Variants in CFAP206 observed in about 807,000 individuals in gnomAD.
The protein encoded by CFAP206 is cilia and flagella associated protein 206.
CFAP206 carries 53 observed loss-of-function variants against 65.4 expected under a neutral mutation model. The ratio of observed to expected loss-of-function variants is 0.81; its 90% confidence interval spans 0.65 to 1.02. The LOEUF (loss-of-function observed/expected upper bound fraction) is 1.02. Ranked by LOEUF, CFAP206 falls within the 50% of genes least tolerant of loss-of-function variation. The pLI is 0.00. For missense variants in CFAP206, 663 were observed against 753.2 expected (o/e 0.88, Z 1.40); for synonymous variants, 250 against 254.4 (o/e 0.98, Z 0.17).
intron 11 of CFAP206, among the ~76,000 whole-genome samples, chr6:87,450,491 G>A (rs1292398793): frequency 6.7e-6 from 1 of 149,822 alleles, no homozygotes; most frequent in Non-Finnish European, 1.5e-5. Context: ...GTGTGTGTGT[G>A]TGTGTGTGTG....
At chr6:87,430,559 A>C (rs1417527680) in intron 9 of CFAP206, among the ~76,000 whole-genome samples, 1 of 152,204 alleles carries the variant, frequency 6.6e-6, no homozygotes, top group Non-Finnish European at 1.5e-5. Context: ...CATATTAAAC[A>C]TATTTTGCCA....
At chr6:87,410,966 T>A (rs1383653225) in intron 3 of CFAP206, among the ~76,000 whole-genome samples, 13 of 152,188 alleles carry the variant, frequency 8.5e-5, no homozygotes, top group Admixed American at 7.2e-4. Context: ...ATTGGGTCTA[T>A]CACCTTCTAT....
At chr6:87,458,511 C>A (rs900438618) in intron 11 of CFAP206, among the ~76,000 whole-genome samples, 2 of 137,726 alleles carry the variant, frequency 1.5e-5, no homozygotes, top group Non-Finnish European at 3.2e-5. Flanking sequence ...CTGTCATTTG[C>A]AAAAACGGAT....
chr6:87,446,705 A>T (rs1396348131), intron 11 of CFAP206, among the ~76,000 whole-genome samples: 1 of 152,102 alleles, frequency 6.6e-6, no homozygotes, highest in Non-Finnish European at 1.5e-5. Context: ...TATGAATTTT[A>T]AAGTAGTTTT....
chr6:87,428,891 G>C, intron 9 of CFAP206, 67 bp downstream of exon 9: 1 of 1,415,102 alleles, frequency 7.1e-7, no homozygotes, highest in Admixed American at 1.8e-5. Context: ...TCACTCTTTT[G>C]TTCTAAAAAT....
intron 11 of CFAP206, among the ~76,000 whole-genome samples, chr6:87,448,467 A>G (rs2127955652): frequency 6.6e-6 from 1 of 152,322 alleles, no homozygotes; most frequent in South Asian, 2.1e-4. Flanking sequence ...GGTAATTGGC[A>G]TATCCATCAC....
chr6:87,419,973 A>T (rs1767910836), intron 7 of CFAP206, among the ~76,000 whole-genome samples: 1 of 152,208 alleles, frequency 6.6e-6, no homozygotes, highest in Non-Finnish European at 1.5e-5. Context: ...GCTACTTGGG[A>T]GGCTAAGGTA....
At chr6:87,435,787 G>A (rs899114819) in intron 11 of CFAP206, 2 of 152,222 alleles carry the variant, frequency 1.3e-5, no homozygotes, top group Admixed American at 6.5e-5. Flanking sequence ...AGTCTCCCAA[G>A]TAGCTGGGAC....
intron 11 of CFAP206, among the ~76,000 whole-genome samples, chr6:87,438,460 CAA>C (rs757336468): frequency 2.3e-4 from 25 of 110,970 alleles, no homozygotes; most frequent in African/African-American, 2.8e-4. Context: ...ACTCTTGTCT[CAA>C]AAAAAAAAAA....
intron 7 of CFAP206, among the ~76,000 whole-genome samples, chr6:87,425,539 G>A (rs1261997378): frequency 6.6e-6 from 1 of 152,082 alleles, no homozygotes; most frequent in African/African-American, 2.4e-5. Flanking sequence ...TGGTTTACAA[G>A]GTACTTTAAC....
At chr6:87,444,350 C>G (rs1057171740) in intron 11 of CFAP206, 10 of 218,174 alleles carry the variant, frequency 4.6e-5, no homozygotes, top group Non-Finnish European at 9.7e-5. Flanking sequence ...TTAGGTGGTC[C>G]AGGTTGCGTT....
At chr6:87,453,384 A>T (rs552766317) in intron 11 of CFAP206, among the ~76,000 whole-genome samples, 4 of 152,348 alleles carry the variant, frequency 2.6e-5, no homozygotes, top group South Asian at 4.1e-4. Flanking sequence ...ATAACAAATC[A>T]TCTGAAGGCA....
In CFAP206 at chr6:87,434,471, A is replaced by T. The variant is rs374522858; in HGVS notation, c.1301-389A>T. On this transcript the variant is annotated intron_variant, in intron 10 of 12. Coordinates refer to ENST00000369562, the MANE Select transcript of CFAP206 (RefSeq NM_001031743.3). ...GGAATGGCTCTATGGTATGTTACAA[A>T]CACAGAGTAACAATATTTCTTTTTC... Among the ~76,000 whole-genome samples the T allele has an allele frequency of 4.0e-5, 6 of 150,512 alleles. No homozygotes were observed. The East Asian group carries it at 9.8e-4, about 24-fold the overall frequency.
chr6:87,457,377 G>C (rs1562011323), intron 11 of CFAP206, among the ~76,000 whole-genome samples: 4 of 151,942 alleles, frequency 2.6e-5, no homozygotes, highest in Admixed American at 1.3e-4. Flanking sequence ...TAAGCAAAAA[G>C]AACAAAACTG....
intron 11 of CFAP206, chr6:87,444,280 A>T (rs944971984): frequency 1.5e-5 from 3 of 205,850 alleles, no homozygotes; most frequent in African/African-American, 2.3e-5. Context: ...TTCTCAAAGC[A>T]CCCCAGTTCT....
At chr6:87,449,060 A>G (rs1768495667) in intron 11 of CFAP206, among the ~76,000 whole-genome samples, 1 of 152,020 alleles carries the variant, frequency 6.6e-6, no homozygotes, top group Admixed American at 6.6e-5. Flanking sequence ...TTCTATTTTT[A>G]GTCTTTTTGA....
At chr6:87,447,499 A>G (rs889604591) in intron 11 of CFAP206, among the ~76,000 whole-genome samples, 40 of 152,118 alleles carry the variant, frequency 2.6e-4, no homozygotes, top group African/African-American at 9.4e-4. Context: ...CATATACTGA[A>G]CCAGCCTTGA....
chr6:87,410,509 T>G (rs1220729998), intron 2 of CFAP206, 76 bp from the exon 3 acceptor site: 4 of 1,112,744 alleles, frequency 3.6e-6, no homozygotes, highest in Non-Finnish European at 5.5e-6. Context: ...TGGAAACATA[T>G]TAAGCTAATA....
intron 9 of CFAP206, 128 bp downstream of exon 9, chr6:87,428,952 T>A: frequency 1.0e-6 from 1 of 954,568 alleles, no homozygotes; most frequent in Non-Finnish European, 1.6e-6. Flanking sequence ...TATAAAGTAC[T>A]AATGAGGGCC....
Sources: allele counts gnomAD v4.1 joint callset (sites outside exome capture counted in the v4.1 genomes callset), GRCh38; gene constraint gnomAD v4.1.1; transcripts MANE v1.5; gene names NCBI Gene and HGNC (gene_info 2026-07-23, HGNC 2026-07-21).